The following TLK2 variants were observed in gnomAD, a reference collection of about 807,000 sequenced individuals.
The protein encoded by TLK2 is tousled like kinase 2.
In TLK2, 6 loss-of-function variants were observed where a neutral mutation model predicts 117.3. The observed-to-expected ratio is 0.05, with a 90% confidence interval of 0.03 to 0.10. The LOEUF is 0.10. Among genes scored for constraint, TLK2 ranks in the 10% least tolerant of loss-of-function variants. The pLI, the probability that TLK2 is intolerant of heterozygous loss-of-function variation, is 1.00. For synonymous variants in TLK2, 257 were observed against 316.7 expected (o/e 0.81, Z 2.00); for missense variants, 299 against 901.2 (o/e 0.33, Z 8.56).
At chr17:62,570,328 A>T (rs896752027) in intron 11 of TLK2, among the ~76,000 whole-genome samples, 7 of 152,320 alleles carry the variant, frequency 4.6e-5, no homozygotes, top group South Asian at 4.1e-4. Flanking sequence ...GGTCCTCAAT[A>T]CTTCTGTAAA....
chr17:62,535,349 A>G (rs2077040756), intron 6 of TLK2, among the ~76,000 whole-genome samples: 1 of 152,204 alleles, frequency 6.6e-6, no homozygotes, highest in Admixed American at 6.5e-5. Flanking sequence ...GTTATGCGTA[A>G]TTGTGATGTA....
At chr17:62,511,432 G>A (rs1018354154) in intron 2 of TLK2, among the ~76,000 whole-genome samples, 11 of 152,164 alleles carry the variant, frequency 7.2e-5, no homozygotes, top group Admixed American at 5.9e-4. Flanking sequence ...ATGCAGTGGT[G>A]CAATCTTAGC....
chr17:62,539,042 A>C (rs1598444882), intron 7 of TLK2, among the ~76,000 whole-genome samples: 2 of 152,314 alleles, frequency 1.3e-5, no homozygotes, highest in East Asian at 3.9e-4. Flanking sequence ...AAGGATTAAT[A>C]AGTTTGATAG....
intron 7 of TLK2, among the ~76,000 whole-genome samples, chr17:62,536,697 C>G (rs2145847659): frequency 6.6e-6 from 1 of 152,110 alleles, no homozygotes; most frequent in Admixed American, 6.5e-5. Context: ...CAGCCATCAT[C>G]TATGTAAGTT....
intron 2 of TLK2, among the ~76,000 whole-genome samples, chr17:62,486,729 C>T (rs1463727575): frequency 6.6e-6 from 1 of 152,166 alleles, no homozygotes; most frequent in Non-Finnish European, 1.5e-5. Flanking sequence ...ACTTATAATA[C>T]TGTGTGCCAG....
In TLK2 at chr17:62,532,855, A is replaced by G. The variant is rs2076838568; in HGVS notation, c.364-3315A>G. ...GATAAATCCCCTAATAGTAATTCCC[A>G]GGTCAGAATATGATCATTTAAAAAT... On this transcript the variant is annotated intron_variant, in intron 6 of 21. Coordinates refer to ENST00000346027, the MANE Select transcript of TLK2 (RefSeq NM_006852.6). 1.3e-5 allele frequency among the ~76,000 whole-genome samples: 2 copies of G among 152,186 alleles called. 1 individual carries two copies. Among genetic ancestry groups the G allele is most frequent in the South Asian group, 4.1e-4 (2 of 4,828 alleles).
chr17:62,601,169 G>A (rs1414844862), intron 18 of TLK2, among the ~76,000 whole-genome samples: 2 of 152,060 alleles, frequency 1.3e-5, no homozygotes, highest in Non-Finnish European at 1.5e-5. Context: ...TCTTTGATAA[G>A]AGCCCCCAAA....
intron 6 of TLK2, among the ~76,000 whole-genome samples, chr17:62,534,881 CTTTTTTTTTTTTT>C (rs386386398): frequency 2.7e-5 from 2 of 72,986 alleles, no homozygotes; most frequent in Admixed American, 2.0e-4. Flanking sequence ...TAATTCCAGT[CTTTTTTTTTTTTT>C]TTTTTTTTTT....
chr17:62,600,472 C>G (rs964936957), intron 17 of TLK2, 179 bp from the exon 18 acceptor site: 8 of 539,822 alleles, frequency 1.5e-5, no homozygotes, highest in Non-Finnish European at 2.5e-5. Flanking sequence ...AGAGAATAAG[C>G]AGTTTCTTAC....
At chr17:62,480,052 T>C (rs2071441302) in intron 1 of TLK2, among the ~76,000 whole-genome samples, 1 of 152,274 alleles carries the variant, frequency 6.6e-6, no homozygotes, top group Admixed American at 6.5e-5. Context: ...AAACTTTAAT[T>C]TGTCACCTTT....
At chr17:62,499,312 T>C (rs1311603590) in intron 2 of TLK2, among the ~76,000 whole-genome samples, 1 of 151,196 alleles carries the variant, frequency 6.6e-6, no homozygotes, top group Non-Finnish European at 1.5e-5. Context: ...CCAGCCTGGG[T>C]GACAGAGTAA....
chr17:62,543,923 T>A (rs2077720933), intron 7 of TLK2, among the ~76,000 whole-genome samples: 2 of 152,186 alleles, frequency 1.3e-5, no homozygotes, highest in African/African-American at 4.8e-5. Context: ...TCAAGAAAAT[T>A]TACTCTTATA....
intron 10 of TLK2, 122 bp downstream of exon 10, chr17:62,560,248 T>A (rs2079158785): frequency 1.4e-6 from 1 of 728,782 alleles, no homozygotes; most frequent in East Asian, 3.4e-5. Flanking sequence ...AGGAACATGA[T>A]TTGACAATTA....
chr17:62,543,752 T>C (rs1567886283), intron 7 of TLK2, among the ~76,000 whole-genome samples: 1 of 152,200 alleles, frequency 6.6e-6, no homozygotes, highest in Non-Finnish European at 1.5e-5. Flanking sequence ...AACTATATGA[T>C]TGGCAAAGGT....
intron 7 of TLK2, among the ~76,000 whole-genome samples, chr17:62,546,963 T>TA (rs1412103544): frequency 3.3e-5 from 5 of 152,246 alleles, no homozygotes; most frequent in Admixed American, 1.3e-4. Context: ...TAAACTTTGA[T>TA]AATCTTATTT....
chr17:62,553,580 C>A (rs190924653), intron 8 of TLK2, 83 bp from the exon 9 acceptor site: 1 of 958,002 alleles, frequency 1.0e-6, no homozygotes, highest in East Asian at 2.5e-5. Flanking sequence ...TTCCCACCCC[C>A]CCGAGAAAGG....
intron 10 of TLK2, among the ~76,000 whole-genome samples, chr17:62,560,799 G>A (rs191644483): frequency 1.7e-3 from 256 of 151,586 alleles, no homozygotes; most frequent in African/African-American, 6.0e-3. Flanking sequence ...GTTTATAGGC[G>A]TGCGCCACCA....
chr17:62,483,927 G>A (rs1216993968), intron 2 of TLK2, among the ~76,000 whole-genome samples: 3 of 152,198 alleles, frequency 2.0e-5, no homozygotes, highest in Middle Eastern at 3.4e-3. Flanking sequence ...CCGGGTTCAA[G>A]CTATTCTCCT....
At chr17:62,581,000 A>T (rs577900205) in intron 15 of TLK2, among the ~76,000 whole-genome samples, 30 of 151,980 alleles carry the variant, frequency 2.0e-4, no homozygotes, top group Non-Finnish European at 3.7e-4. Context: ...AATTTTTTTT[A>T]AATTGTGGTT....
Sources: gnomAD v4.1 joint callset for allele counts (sites outside exome capture counted in the v4.1 genomes callset) on GRCh38, gnomAD v4.1.1 for gene constraint, MANE v1.5 for transcripts, NCBI Gene and HGNC (gene_info 2026-07-23, HGNC 2026-07-21) for gene names.